QRICH1: variants seen among roughly 807,000 people sequenced by gnomAD.
The protein encoded by QRICH1 is glutamine rich 1.
A neutral mutation model predicts 87.1 loss-of-function variants in QRICH1; 16 were observed. The ratio of observed to expected loss-of-function variants is 0.18; its 90% CI spans 0.12 to 0.28. The LOEUF (loss-of-function observed/expected upper bound fraction) is 0.28. Among genes scored for constraint, QRICH1 ranks in the 10% least tolerant of loss-of-function variants. QRICH1 has a pLI of 1.00. For missense variants in QRICH1, 647 were observed against 951.7 expected, an observed-to-expected ratio of 0.68 and a Z score of 4.21; for synonymous variants, 367 against 368.4, an observed-to-expected ratio of 1.00 and a Z score of 0.05.
intron 7 of QRICH1, 132 bp from the exon 8 acceptor site, chr3:49,032,905 A>C (rs1335472522): frequency 8.5e-7 from 1 of 1,174,786 alleles, no homozygotes; most frequent in African/African-American, 1.6e-5. Context: ...GTACCCAAGC[A>C]GTGTCCAGTG....
At chr3:49,088,871 A>G (rs1243933624) in intron 1 of QRICH1, among the ~76,000 whole-genome samples, 1 of 150,228 alleles carries the variant, frequency 6.7e-6, no homozygotes, top group Non-Finnish European at 1.5e-5. Flanking sequence ...CAATCCTCCC[A>G]CCTTGGCCTC....
chr3:49,091,085 T>C (rs2042267201), intron 1 of QRICH1, among the ~76,000 whole-genome samples: 1 of 151,920 alleles, frequency 6.6e-6, no homozygotes, highest in Non-Finnish European at 1.5e-5. Context: ...GAGACAGGCA[T>C]GGTGGCGGGA....
At chr3:49,066,524 GC>G (rs1423148059) in intron 2 of QRICH1, among the ~76,000 whole-genome samples, 2 of 151,174 alleles carry the variant, frequency 1.3e-5, no homozygotes, top group African/African-American at 4.9e-5. Context: ...GAATGCAGTG[GC>G]GCAATCTTGG....
In QRICH1 at chr3:49,030,369, A is replaced by AC; in HGVS notation, c.*82_*83insG. 1 of 1,370,720 alleles carries AC rather than the reference A, an allele frequency of 7.3e-7. No individual in the cohort carries two copies. Among genetic ancestry groups the AC allele is most frequent in the Non-Finnish European group, 1.0e-6 (1 of 1,003,364 alleles). The allele number at this position is 1,370,720 out of a possible 1,614,324, so 84.9% of individuals were successfully genotyped here. On this transcript the variant is annotated 3_prime_UTR_variant, in exon 10 of 10. Transcript: ENST00000395443. ...AACTACACCAATAAAAAAAAGAAAAAAAAAAATGGAGGCCTCTTCTTTAGT... is the reference window on the plus strand; with the variant it reads ...AACTACACCAATAAAAAAAAGAAAAACAAAAAATGGAGGCCTCTTCTTTAGT...
At chr3:49,041,339 ATG>A (rs34898562) in intron 6 of QRICH1, among the ~76,000 whole-genome samples, 95,408 of 149,128 alleles carry the variant, frequency 0.64, 30,941 homozygotes, top group East Asian at 0.95. Flanking sequence ...GATATTTAAT[ATG>A]TGTGTGTGTG....
At chr3:49,084,691 G>C (rs1342985179) in intron 1 of QRICH1, among the ~76,000 whole-genome samples, 1 of 151,950 alleles carries the variant, frequency 6.6e-6, no homozygotes, top group Non-Finnish European at 1.5e-5. Context: ...TTGAATCCGG[G>C]AGGCGGAGGT....
chr3:49,030,728 G>T, intron 9 of QRICH1, 84 bp from the exon 10 acceptor site: 1 of 1,240,692 alleles, frequency 8.1e-7, no homozygotes, highest in Non-Finnish European at 1.1e-6. Flanking sequence ...GATGCTGTCT[G>T]CAAACAGTAA....
At chr3:49,056,209 T>C (rs558994932) in intron 3 of QRICH1, among the ~76,000 whole-genome samples, 3 of 151,048 alleles carry the variant, frequency 2.0e-5, no homozygotes, top group Non-Finnish European at 4.4e-5. Flanking sequence ...CTCCTGACCT[T>C]GTGATCCGCC....
At chr3:49,079,975 G>A (rs1196338122) in intron 1 of QRICH1, among the ~76,000 whole-genome samples, 1 of 150,356 alleles carries the variant, frequency 6.7e-6, no homozygotes, top group Non-Finnish European at 1.5e-5. Flanking sequence ...GTTGCGGTGA[G>A]CCGAGATCGT....
At chr3:49,084,369 C>T (rs1165946957) in intron 1 of QRICH1, among the ~76,000 whole-genome samples, 1 of 151,950 alleles carries the variant, frequency 6.6e-6, no homozygotes, top group African/African-American at 2.4e-5. Flanking sequence ...AATTCTCCTG[C>T]CTCAGCCTCC....
intron 2 of QRICH1, among the ~76,000 whole-genome samples, chr3:49,063,413 C>T (rs1180019156): frequency 6.6e-6 from 1 of 152,170 alleles, no homozygotes; most frequent in East Asian, 1.9e-4. Context: ...AATTTAAGAA[C>T]TAGGGCTATA....
At chr3:49,062,964 C>T (rs2093444160) in intron 2 of QRICH1, among the ~76,000 whole-genome samples, 1 of 151,612 alleles carries the variant, frequency 6.6e-6, no homozygotes, top group South Asian at 2.1e-4. Flanking sequence ...CGCGCCACTG[C>T]ACTCCAGCCT....
At chr3:49,062,411 T>C (rs2093440670) in intron 2 of QRICH1, among the ~76,000 whole-genome samples, 2 of 149,656 alleles carry the variant, frequency 1.3e-5, no homozygotes, top group Non-Finnish European at 3.0e-5. Flanking sequence ...CTTGCCCTGT[T>C]GCCCAGTGGT....
At chr3:49,034,357 C>G (rs1374837444) in intron 6 of QRICH1, among the ~76,000 whole-genome samples, 1 of 151,394 alleles carries the variant, frequency 6.6e-6, no homozygotes, top group Admixed American at 6.6e-5. Context: ...TGGGAGGATT[C>G]CTTGGGCCTG....
At chr3:49,064,089 GTTTT>G (rs896180549) in intron 2 of QRICH1, among the ~76,000 whole-genome samples, 2 of 150,752 alleles carry the variant, frequency 1.3e-5, no homozygotes, top group African/African-American at 4.9e-5. Context: ...TTTTGTTGTT[GTTTT>G]TTGTTTTTTA....
chr3:49,079,756 C>T (rs545686266), intron 1 of QRICH1, among the ~76,000 whole-genome samples: 10 of 152,020 alleles, frequency 6.6e-5, no homozygotes, highest in South Asian at 4.1e-4. Context: ...CAGCCCAGTG[C>T]GGTGGCTCAC....
intron 2 of QRICH1, among the ~76,000 whole-genome samples, chr3:49,076,074 T>A (rs1394707855): frequency 6.6e-6 from 1 of 151,996 alleles, no homozygotes; most frequent in Admixed American, 6.6e-5. Context: ...AAACCCCGTC[T>A]CTATTAAAAG....
At chr3:49,079,766 C>G (rs761632192) in intron 1 of QRICH1, among the ~76,000 whole-genome samples, 1 of 152,086 alleles carries the variant, frequency 6.6e-6, no homozygotes, top group African/African-American at 2.4e-5. Context: ...CGGTGGCTCA[C>G]GCCTGTAATC....
intron 3 of QRICH1, among the ~76,000 whole-genome samples, chr3:49,056,267 C>T (rs1344666529): frequency 6.6e-6 from 1 of 152,188 alleles, no homozygotes; most frequent in Non-Finnish European, 1.5e-5. Flanking sequence ...CACCACCTCG[C>T]CCGGCCGCCC....
Sources: gnomAD v4.1 joint callset for allele counts (sites outside exome capture counted in the v4.1 genomes callset) on GRCh38, gnomAD v4.1.1 for gene constraint, MANE v1.5 for transcripts, NCBI Gene and HGNC (gene_info 2026-07-23, HGNC 2026-07-21) for gene names.